The following KCNA6 variants were observed in gnomAD, a reference collection of about 807,000 sequenced individuals.
KCNA6 encodes potassium voltage-gated channel subfamily A member 6.
KCNA6 carries 17 observed loss-of-function variants against 29.5 expected under a neutral mutation model. That is an observed-to-expected ratio of 0.58 (90% CI 0.39 to 0.86). The LOEUF (loss-of-function observed/expected upper bound fraction) is 0.86. Ranked by LOEUF, KCNA6 falls within the 40% of genes least tolerant of loss-of-function variation. The probability of loss-of-function intolerance (pLI) is 0.00; values close to 1 mark genes in which losing one functional copy is unlikely to be tolerated. For missense variants in KCNA6, 450 were observed against 703.4 expected (o/e 0.64, Z 4.07); for synonymous variants, 296 against 304.7 (o/e 0.97, Z 0.30).
the KCNA6 span, among the ~76,000 whole-genome samples, chr12:4,827,171 T>TCC: frequency 2.8e-5 from 3 of 107,658 alleles, no homozygotes; most frequent in East Asian, 3.0e-4. Flanking sequence ...CTTCCCTCCT[T>TCC]CTTTCCTTCC....
chr12:4,843,371 A>G, the KCNA6 span, among the ~76,000 whole-genome samples: 16 of 152,054 alleles, frequency 1.1e-4, no homozygotes, highest in African/African-American at 2.7e-4. Flanking sequence ...TAGTAGAGAC[A>G]GGGTTTCACC....
chr12:4,826,704 A>G, the KCNA6 span, among the ~76,000 whole-genome samples: 34 of 152,358 alleles, frequency 2.2e-4, no homozygotes, highest in Admixed American at 2.2e-3. Flanking sequence ...CGGATACCCA[A>G]GTGTATTAAT....
At chr12:4,816,249 G>GGTGTGTGTGTGT (rs59638657), downstream of KCNA6, among the ~76,000 whole-genome samples, 2 of 142,640 alleles carry the variant, frequency 1.4e-5, no homozygotes, top group Non-Finnish European at 3.1e-5. Context: ...ACCACGAACT[G>GGTGTGTGTGTGT]GTGTGTGTGT....
At chr12:4,827,204 C>CCTTCCTTCCCTCCTTCCTTCCTT in the KCNA6 span, among the ~76,000 whole-genome samples, 2 of 120,390 alleles carry the variant, frequency 1.7e-5, no homozygotes, top group Admixed American at 8.6e-5. Flanking sequence ...TTCCTTCCTT[C>CCTTCCTTCCCTCCTTCCTTCCTT]CCTCCTTCCT....
the KCNA6 span, among the ~76,000 whole-genome samples, chr12:4,830,004 C>G: frequency 1.3e-5 from 2 of 152,206 alleles, no homozygotes; most frequent in East Asian, 1.9e-4. Flanking sequence ...GAAGGGGCAG[C>G]CTCCACTCCC....
At chr12:4,840,611 C>T in the KCNA6 span, among the ~76,000 whole-genome samples, 1 of 152,238 alleles carries the variant, frequency 6.6e-6, no homozygotes, top group Non-Finnish European at 1.5e-5. Flanking sequence ...CGTTCCACAT[C>T]AATCACAGAC....
chr12:4,832,981 T>A, the KCNA6 span, among the ~76,000 whole-genome samples: 4 of 152,084 alleles, frequency 2.6e-5, no homozygotes, highest in Non-Finnish European at 5.9e-5. Flanking sequence ...GGGCTGCCAT[T>A]TTCTTGAAGG....
the KCNA6 span, among the ~76,000 whole-genome samples, chr12:4,845,820 A>G: frequency 6.6e-6 from 1 of 152,128 alleles, no homozygotes; most frequent in Non-Finnish European, 1.5e-5. Flanking sequence ...TAACAACAGT[A>G]ACAATCCCCT....
At chr12:4,822,912 A>C in the KCNA6 span, among the ~76,000 whole-genome samples, 2 of 152,216 alleles carry the variant, frequency 1.3e-5, no homozygotes, top group Non-Finnish European at 2.9e-5. Context: ...TCTCAGGTGG[A>C]ATCTTCTGTC....
the KCNA6 span, among the ~76,000 whole-genome samples, chr12:4,826,742 T>C: frequency 6.6e-6 from 1 of 152,248 alleles, no homozygotes; most frequent in Non-Finnish European, 1.5e-5. Flanking sequence ...GCCTGAAAAC[T>C]TGACAGACTT....
At chr12:4,831,213 T>G in the KCNA6 span, among the ~76,000 whole-genome samples, 1 of 152,206 alleles carries the variant, frequency 6.6e-6, no homozygotes, top group Non-Finnish European at 1.5e-5. Context: ...GAGGGAGCCT[T>G]GGTGCAGATG....
the KCNA6 span, among the ~76,000 whole-genome samples, chr12:4,822,329 C>CT: frequency 6.6e-6 from 1 of 152,194 alleles, no homozygotes; most frequent in Non-Finnish European, 1.5e-5. Context: ...CAGAGCCTTC[C>CT]TGTGTGATTT....
chr12:4,838,401 A>G, the KCNA6 span, among the ~76,000 whole-genome samples: 1 of 152,150 alleles, frequency 6.6e-6, no homozygotes, highest in Non-Finnish European at 1.5e-5. Context: ...GGCACCTTAC[A>G]CACACTGGGG....
the KCNA6 span, among the ~76,000 whole-genome samples, chr12:4,826,224 T>C: frequency 6.6e-6 from 1 of 152,052 alleles, no homozygotes; most frequent in Non-Finnish European, 1.5e-5. Context: ...AGGTGTTTTT[T>C]GTTTGTTTGT....
At chr12:4,830,112 C>G in the KCNA6 span, among the ~76,000 whole-genome samples, 1 of 152,224 alleles carries the variant, frequency 6.6e-6, no homozygotes, top group Admixed American at 6.5e-5. Flanking sequence ...ACTGCAGCCA[C>G]TCTTCCTGCT....
At chr12:4,828,046 C>A in the KCNA6 span, among the ~76,000 whole-genome samples, 99,470 of 152,010 alleles carry the variant, frequency 0.65, 33,246 homozygotes, top group African/African-American at 0.74. Flanking sequence ...CCATAACCCC[C>A]CCACCAGAGA....
At chr12:4,831,066 C>T in the KCNA6 span, among the ~76,000 whole-genome samples, 1 of 152,210 alleles carries the variant, frequency 6.6e-6, no homozygotes, top group Non-Finnish European at 1.5e-5. Flanking sequence ...GAAAGGTAAG[C>T]TCTCTGCCAA....
At chr12:4,849,865 G>A in the KCNA6 span, among the ~76,000 whole-genome samples, 24 of 152,290 alleles carry the variant, frequency 1.6e-4, no homozygotes, top group African/African-American at 4.8e-4. Context: ...TCCGTTTCAC[G>A]TGCAGAAACA....
the KCNA6 span, among the ~76,000 whole-genome samples, chr12:4,825,843 C>T: frequency 2.6e-5 from 4 of 152,244 alleles, no homozygotes; most frequent in African/African-American, 4.8e-5. Context: ...CAAATGAGGT[C>T]GTCTGCATGG....
Sources: gnomAD v4.1 joint callset for allele counts (sites outside exome capture counted in the v4.1 genomes callset) on GRCh38, gnomAD v4.1.1 for gene constraint, MANE v1.5 for transcripts, NCBI Gene and HGNC (gene_info 2026-07-23, HGNC 2026-07-21) for gene names.